The following ADRM1 variants were observed in gnomAD, a reference collection of about 807,000 sequenced individuals.
ADRM1 encodes proteasomal ubiquitin receptor ADRM1.
A neutral mutation model predicts 40.1 loss-of-function variants in ADRM1; 2 were observed. The observed-to-expected ratio is 0.05, with a 90% CI of 0.02 to 0.16. ADRM1 has a LOEUF of 0.16. ADRM1 is among the 10% of genes least tolerant of loss of function. The pLI is 1.00. For missense variants in ADRM1, 467 were observed against 552.5 expected (o/e 0.85, Z 1.55); for synonymous variants, 287 against 240.4 (o/e 1.19, Z -1.79).
intron 3 of ADRM1, 196 bp from the exon 4 acceptor site, chr20:62,306,001 G>A: frequency 1.6e-6 from 1 of 639,882 alleles, no homozygotes; most frequent in South Asian, 1.9e-5. Flanking sequence ...ACAGGGCGCA[G>A]AGCATCGTGC....
intron 2 of ADRM1, 178 bp from the exon 3 acceptor site, chr20:62,304,283 G>T: frequency 1.7e-6 from 1 of 591,126 alleles, no homozygotes. Flanking sequence ...TGCCTTTCAT[G>T]GGCTGTCTCT....
rs140605822 is a variant in ADRM1 at position 62,304,956 on chromosome 20, C to T, written c.330+379C>T. ...CTGGTGCTCACAGAAACGAAGCATC[C>T]TGCTCACACTTTCCACAGTCCTGCC... On this transcript the variant is annotated intron_variant, in intron 3 of 9. Transcript: ENST00000253003. Among the ~76,000 whole-genome samples, 25 of 152,356 alleles carry T rather than the reference C, an allele frequency of 1.6e-4. No homozygotes were observed. In the East Asian group the frequency reaches 4.6e-3, roughly 28 times the overall value.
chr20:62,306,307 C>G lies in ADRM1; in HGVS notation c.441C>G (p.Leu147=). Residue 147 remains leucine (L), a synonymous_variant, in exon 4 of 10, where the codon CTC becomes CTG. Coordinates refer to ENST00000253003, the MANE Select transcript of ADRM1 (RefSeq NM_007002.4). Reference sequence around the variant, plus strand: ...CCAGCGGAAGCAGCGGCCACGAACTCTCTGCGCTAGGCGGTAACTGTCACA... The same window carrying G: ...CCAGCGGAAGCAGCGGCCACGAACTGTCTGCGCTAGGCGGTAACTGTCACA... ...LGASGSSGHE[L]SALGGEGGLQ... is the part of the protein sequence containing the mutation. The G allele has an allele frequency of 6.2e-7, 1 of 1,612,866 alleles. No homozygotes were observed. Among genetic ancestry groups the G allele is most frequent in the Non-Finnish European group, 8.5e-7 (1 of 1,179,876 alleles).
chr20:62,304,228 C>A (rs1315154154), intron 2 of ADRM1: 2 of 549,952 alleles, frequency 3.6e-6, no homozygotes, highest in East Asian at 3.1e-5. Flanking sequence ...TCAGAAACCC[C>A]GTTGCCATCT....
chr20:62,304,529 C>T lies in ADRM1; in HGVS notation c.282C>T (p.Tyr94=), dbSNP rs1289034320. Residue 94 remains tyrosine (Y), a synonymous_variant, in exon 3 of 10, where the codon TAC becomes TAT. Coordinates refer to ENST00000253003, the MANE Select transcript of ADRM1 (RefSeq NM_007002.4). ...CGCAGTGCCCCAGCGGGAGGGTCTA[C>T]GTGCTGAAGTTCAAGGCAGGGTCCA... ...RVPQCPSGRV[Y]VLKFKAGSKR... is the part of the protein sequence containing the mutation. 3 of 1,613,900 alleles carry T rather than the reference C, an allele frequency of 1.9e-6. No homozygotes were observed. The highest frequency in any genetic ancestry group is 2.5e-6 in the Non-Finnish European group (3 of 1,179,992).
chr20:62,303,900 C>A, intron 2 of ADRM1, 119 bp downstream of exon 2: 1 of 967,930 alleles, frequency 1.0e-6, no homozygotes, highest in Non-Finnish European at 1.5e-6. Flanking sequence ...GGGCCGTCAT[C>A]GACTGCCCTG....
intron 3 of ADRM1, chr20:62,305,791 C>T (rs528044278): frequency 4.7e-5 from 10 of 211,572 alleles, no homozygotes; most frequent in Admixed American, 1.6e-4. Context: ...GGCCCTGGGC[C>T]GCGGTGTGCT....
Position 62,308,737 on chromosome 20 carries a change from A to G in ADRM1, c.1200A>G (p.Glu400=), listed in dbSNP as rs1985585891. 4 of 1,603,130 alleles carry G rather than the reference A, an allele frequency of 2.5e-6. No homozygotes were observed. The highest frequency in any genetic ancestry group is 3.4e-6 in the Non-Finnish European group (4 of 1,171,176). ...GCGACACGAAGGACAAGAAGGACGA[A>G]GAGGAGGACATGAGCCTGGACTGAG... ...KEGDTKDKKD[E]EEDMSLD Residue 400 remains glutamate, a synonymous_variant, in exon 10 of 10, where the codon GAA becomes GAG. Coordinates refer to ENST00000253003, the MANE Select transcript of ADRM1 (RefSeq NM_007002.4).
At position 62,308,766 on chromosome 20, in the gene ADRM1, C is replaced by A. The variant is rs563137376; in HGVS notation, c.*5C>A. 1.2e-6 allele frequency: 2 copies of A among 1,612,544 alleles called. No homozygotes were observed. Among genetic ancestry groups the A allele is most frequent in the Non-Finnish European group, 8.5e-7 (1 of 1,179,840 alleles). On this transcript the variant is annotated 3_prime_UTR_variant, in exon 10 of 10. Coordinates refer to ENST00000253003, the MANE Select transcript of ADRM1 (RefSeq NM_007002.4). ...GAGGACATGAGCCTGGACTGAGCCA[C>A]GCGCCGTCCTCCGAGGAACTGGGCG...
intron 2 of ADRM1, 22 bp downstream of exon 2, chr20:62,303,803 C>T (rs1229809341): frequency 8.1e-6 from 13 of 1,603,650 alleles, no homozygotes; most frequent in African/African-American, 1.3e-5. Context: ...TGAGCCGCAG[C>T]AGCAGGACAG....
intron 5 of ADRM1, 52 bp downstream of exon 5, chr20:62,306,786 G>A (rs1985047239): frequency 6.7e-7 from 1 of 1,485,630 alleles, no homozygotes; most frequent in Non-Finnish European, 9.2e-7. Context: ...AATGCTTTGA[G>A]GCCCGGTCTC....
In ADRM1 at chr20:62,306,749, C is replaced by T. The variant is rs185608571; in HGVS notation, c.541+15C>T. 3.8e-6 allele frequency: 6 copies of T among 1,590,934 alleles called. No homozygotes were observed. In the South Asian group the frequency reaches 6.8e-5, roughly 18 times the overall value. On this transcript the variant is annotated intron_variant, in intron 5 of 9. Transcript: ENST00000253003. ...TGGAGGACTGGGTAACGTGCGCCAC[C>T]CGGGCTCTCGGGCAGCTTCTGCTGG...
intron 8 of ADRM1, 89 bp downstream of exon 8, chr20:62,308,267 C>T (rs762687150): frequency 1.2e-4 from 182 of 1,537,780 alleles, no homozygotes; most frequent in Non-Finnish European, 1.5e-4. Context: ...TCACCATGGC[C>T]AGTGCTTCAT....
intron 2 of ADRM1, chr20:62,304,168 G>T (rs548935840): frequency 4.0e-6 from 2 of 497,598 alleles, no homozygotes; most frequent in East Asian, 7.3e-5. Flanking sequence ...TTTGAGAGCA[G>T]TTCAGCGTTG....
chr20:62,306,625 G>C, intron 4 of ADRM1, 23 bp from the exon 5 acceptor site: 1 of 1,589,478 alleles, frequency 6.3e-7, no homozygotes. Flanking sequence ...GGGCAGGCCC[G>C]CCTGAGCTGC....
Position 62,308,842 on chromosome 20 carries a change from G to GTCT in ADRM1, c.*83_*85dup. ...CTCCCACCCACTGATTATTAATAAA[G>GTCT]TCTTTTCTTTTACCTGCCAATGCTT... On this transcript the variant is annotated 3_prime_UTR_variant, in exon 10 of 10. Transcript: ENST00000253003. 2 of 1,541,808 alleles carry GTCT rather than the reference G, an allele frequency of 1.3e-6. No homozygotes were observed. Among genetic ancestry groups the GTCT allele is most frequent in the East Asian group, 2.3e-5 (1 of 42,608 alleles).
chr20:62,305,700 A>T (rs140255095), intron 3 of ADRM1: 2,317 of 154,854 alleles, frequency 0.015, 30 homozygotes, highest in Non-Finnish European at 0.022. Flanking sequence ...CAGCTCTGTG[A>T]GCTCGCAGGT....
At chr20:62,303,898 A>G in intron 2 of ADRM1, 117 bp downstream of exon 2, 1 of 990,596 alleles carries the variant, frequency 1.0e-6, no homozygotes, top group Non-Finnish European at 1.5e-6. Flanking sequence ...TGGGGCCGTC[A>G]TCGACTGCCC....
chr20:62,308,683 GAAC>G lies in ADRM1; in HGVS notation c.1150_1152del (p.Asn384del). ...TGGAAGCGTTTGCCAAAGCCATGCAGAACAACGCCAAGCCCGAGCAGAAAGAGG... is the reference window on the plus strand; with the variant it reads ...TGGAAGCGTTTGCCAAAGCCATGCAGAACGCCAAGCCCGAGCAGAAAGAGG... On this transcript the variant is annotated inframe_deletion, in exon 10 of 10. Coordinates refer to ENST00000253003, the MANE Select transcript of ADRM1 (RefSeq NM_007002.4). The G allele has an allele frequency of 1.9e-5, 31 of 1,613,046 alleles. No individual in the cohort carries two copies. Among genetic ancestry groups the G allele is most frequent in the Non-Finnish European group, 2.5e-5 (30 of 1,179,982 alleles).
Sources: gnomAD v4.1 joint callset for allele counts (sites outside exome capture counted in the v4.1 genomes callset) on GRCh38, gnomAD v4.1.1 for gene constraint, MANE v1.5 for transcripts, NCBI Gene and HGNC (gene_info 2026-07-23, HGNC 2026-07-21) for gene names.